Variants in PLCL1 observed in about 807,000 individuals in gnomAD.
PLCL1 encodes the protein inactive phospholipase C-like protein 1.
PLCL1 carries 41 observed loss-of-function variants against 84.4 expected under a neutral mutation model. The observed-to-expected ratio is 0.49, with a 90% confidence interval of 0.38 to 0.63. The LOEUF (loss-of-function observed/expected upper bound fraction) is 0.63, where lower values mean the gene tolerates loss of function less well. Ranked by LOEUF, PLCL1 falls within the 30% of genes least tolerant of loss-of-function variation. PLCL1 has a pLI of 0.00. For missense variants in PLCL1, 1,206 were observed against 1,367.8 expected (o/e 0.88, Z 1.87); for synonymous variants, 490 against 488.3 (o/e 1.00, Z -0.05).
chr2:198,007,279 G>T (rs1690749169), intron 1 of PLCL1, among the ~76,000 whole-genome samples: 1 of 152,072 alleles, frequency 6.6e-6, no homozygotes, highest in South Asian at 2.1e-4. Context: ...AAACTCATTG[G>T]AAATCTAGAA....
chr2:197,982,375 G>T (rs1047892631), intron 1 of PLCL1, among the ~76,000 whole-genome samples: 2 of 152,080 alleles, frequency 1.3e-5, no homozygotes, highest in African/African-American at 2.4e-5. Flanking sequence ...TATAATCTCA[G>T]AGGGCTAGTT....
In PLCL1 at chr2:197,918,968, C is replaced by CT. The variant is rs200632735; in HGVS notation, c.240+113629_240+113630insT. 8.1e-3 allele frequency among the ~76,000 whole-genome samples: 1,170 copies of CT among 144,358 alleles called. 11 individuals carry two copies. The highest frequency in any genetic ancestry group is 0.016 in the African/African-American group (629 of 39,456). 94.7% of individuals were successfully genotyped at this position (144,358 alleles called of 152,430 possible). ...TCTCTCTCTCTCTCTCTCTCTCTCT[C>CT]CCTCACACACACACATACACACACA... On this transcript the variant is annotated intron_variant, in intron 1 of 5. Coordinates refer to ENST00000428675, the MANE Select transcript of PLCL1 (RefSeq NM_006226.4).
intron 1 of PLCL1, among the ~76,000 whole-genome samples, chr2:197,841,916 T>C (rs866672077): frequency 6.6e-6 from 1 of 152,214 alleles, no homozygotes; most frequent in African/African-American, 2.4e-5. Flanking sequence ...TATTGCTATA[T>C]GTATTAGCTT....
At chr2:197,943,627 C>CTTTTTTTT (rs5837573) in intron 1 of PLCL1, among the ~76,000 whole-genome samples, 337 of 119,182 alleles carry the variant, frequency 2.8e-3, no homozygotes, top group Middle Eastern at 4.9e-3. Flanking sequence ...TTGGTTACAT[C>CTTTTTTTT]TTTTTTTTTT....
chr2:198,035,109 G>A (rs1691525659), intron 1 of PLCL1, among the ~76,000 whole-genome samples: 1 of 152,122 alleles, frequency 6.6e-6, no homozygotes, highest in Admixed American at 6.5e-5. Context: ...TCTTGTGGGA[G>A]ACACACCAAG....
Position 197,888,805 on chromosome 2 carries a change from A to G in PLCL1, c.240+83466A>G, listed in dbSNP as rs1574932824. Among the ~76,000 whole-genome samples, 6 of 152,278 alleles carry G rather than the reference A, an allele frequency of 3.9e-5. No homozygotes were observed. In the East Asian group the frequency reaches 1.2e-3, roughly 29 times the overall value. ...TTAGCATATCTCATGATTCCTGCTGATTCCATAATTAAGGAAGACAAATTT... is the reference window on the plus strand; with the variant it reads ...TTAGCATATCTCATGATTCCTGCTGGTTCCATAATTAAGGAAGACAAATTT... On this transcript the variant is annotated intron_variant, in intron 1 of 5. Coordinates refer to ENST00000428675, the MANE Select transcript of PLCL1 (RefSeq NM_006226.4).
At chr2:197,977,926 C>T (rs926110802) in intron 1 of PLCL1, among the ~76,000 whole-genome samples, 1 of 152,162 alleles carries the variant, frequency 6.6e-6, no homozygotes, top group Non-Finnish European at 1.5e-5. Flanking sequence ...GAGGACTACC[C>T]CTCAACTCTG....
At chr2:197,965,394 A>G (rs1408584778) in intron 1 of PLCL1, among the ~76,000 whole-genome samples, 1 of 151,914 alleles carries the variant, frequency 6.6e-6, no homozygotes, top group Non-Finnish European at 1.5e-5. Context: ...TTTCTGTGGT[A>G]TTGGTTGTCA....
intron 1 of PLCL1, among the ~76,000 whole-genome samples, chr2:197,993,738 C>A (rs566538035): frequency 6.6e-6 from 1 of 152,176 alleles, no homozygotes; most frequent in Non-Finnish European, 1.5e-5. Context: ...ATACCCCATT[C>A]TCTCTCCCCT....
chr2:197,805,896 G>A lies in PLCL1; in HGVS notation c.240+557G>A, dbSNP rs570016692. Among the ~76,000 whole-genome samples the A allele has an allele frequency of 6.6e-6, 1 of 152,328 alleles. No individual in the cohort carries two copies. Among genetic ancestry groups the A allele is most frequent in the South Asian group, 2.1e-4 (1 of 4,832 alleles). ...GCCCAGAGTTTTTGCGCTGCAGAAA[G>A]CACAACCGGAAAGCAATCAATCCCC... On this transcript the variant is annotated intron_variant, in intron 1 of 5. Transcript: ENST00000428675. This position sits in a 1 kb window ranked among gnomAD's most constrained non-coding sequence, Gnocchi z 4.0.
chr2:197,919,469 ACCT>A (rs1240578406), intron 1 of PLCL1, among the ~76,000 whole-genome samples: 1 of 152,172 alleles, frequency 6.6e-6, no homozygotes, highest in African/African-American at 2.4e-5. Flanking sequence ...TGGAAGCTCC[ACCT>A]CCTTGACAAT....
intron 1 of PLCL1, among the ~76,000 whole-genome samples, chr2:197,918,016 A>T (rs1161486195): frequency 6.6e-6 from 1 of 152,232 alleles, no homozygotes; most frequent in East Asian, 1.9e-4. Flanking sequence ...GGTGGGTTAA[A>T]GTAACTTTAC....
At chr2:198,128,893 G>A (rs62277915) in intron 5 of PLCL1, among the ~76,000 whole-genome samples, 14,927 of 152,168 alleles carry the variant, frequency 0.098, 815 homozygotes, top group Middle Eastern at 0.22. Context: ...TCATAATTTT[G>A]CAAAGGCAGT....
chr2:198,036,412 C>G (rs17671147), intron 1 of PLCL1, among the ~76,000 whole-genome samples: 2,767 of 152,272 alleles, frequency 0.018, 49 homozygotes, highest in Admixed American at 0.025. Context: ...GAGAAGTTTG[C>G]TAGAATCATT....
chr2:198,028,819 G>C (rs912816172), intron 1 of PLCL1, among the ~76,000 whole-genome samples: 1 of 152,014 alleles, frequency 6.6e-6, no homozygotes, highest in African/African-American at 2.4e-5. Context: ...TGGCCCATTC[G>C]TACAAATGAT....
At chr2:197,833,482 C>T (rs191278895) in intron 1 of PLCL1, among the ~76,000 whole-genome samples, 11 of 152,252 alleles carry the variant, frequency 7.2e-5, no homozygotes, top group South Asian at 2.1e-4. Flanking sequence ...CAGCAGTCTA[C>T]GGATACAAAA....
intron 1 of PLCL1, among the ~76,000 whole-genome samples, chr2:197,897,154 TTC>T (rs1393956199): frequency 4.3e-4 from 14 of 32,464 alleles, no homozygotes; most frequent in African/African-American, 2.6e-3. Flanking sequence ...CTTCTTCTTC[TTC>T]TTCTTCTTCT....
intron 1 of PLCL1, among the ~76,000 whole-genome samples, chr2:198,048,635 GACTCTTTT>G (rs2105866199): frequency 6.6e-6 from 1 of 152,194 alleles, no homozygotes; most frequent in East Asian, 1.9e-4. Context: ...GGAGGTCCCA[GACTCTTTT>G]CAACAATCAG....
intron 1 of PLCL1, among the ~76,000 whole-genome samples, chr2:197,830,334 G>C (rs985258799): frequency 8.6e-5 from 13 of 151,944 alleles, no homozygotes; most frequent in African/African-American, 2.9e-4. Context: ...TAAATGAACT[G>C]ATGGAGCTGA....
Sources: gnomAD v4.1 joint callset for allele counts (sites outside exome capture counted in the v4.1 genomes callset) on GRCh38, gnomAD v4.1.1 for gene constraint, Gnocchi (gnomAD v3.1) non-coding constraint, MANE v1.5 for transcripts, NCBI Gene and HGNC (gene_info 2026-07-23, HGNC 2026-07-21) for gene names.